The following DPP10 variants were observed in gnomAD, a reference collection of about 807,000 sequenced individuals.
DPP10 encodes the protein dipeptidyl peptidase like 10, also known as inactive dipeptidyl peptidase 10.
DPP10 carries 33 observed loss-of-function variants against 120.9 expected under a neutral mutation model. The ratio of observed to expected loss-of-function variants is 0.27; its 90% CI spans 0.21 to 0.37. The LOEUF is 0.37. Among genes scored for constraint, DPP10 ranks in the 10% least tolerant of loss-of-function variants. The pLI is 1.00. For synonymous variants in DPP10, 337 were observed against 326.1 expected (o/e 1.03, Z -0.36); for missense variants, 816 against 942.8 (o/e 0.87, Z 1.76).
chr2:115,341,963 G>T (rs775743212), intron 2 of DPP10, among the ~76,000 whole-genome samples: 23 of 152,116 alleles, frequency 1.5e-4, no homozygotes, highest in Non-Finnish European at 3.1e-4. Context: ...AAATACAAAG[G>T]AGCCTGATTA....
chr2:115,679,868 A>T (rs2090529617), intron 5 of DPP10, among the ~76,000 whole-genome samples: 1 of 151,990 alleles, frequency 6.6e-6, no homozygotes, highest in South Asian at 2.1e-4. Context: ...AGATAGAAAG[A>T]GGTTTCATAA....
chr2:114,614,214 T>C (rs997421082), intron 1 of DPP10, among the ~76,000 whole-genome samples: 1 of 152,196 alleles, frequency 6.6e-6, no homozygotes. Context: ...ATTTATCTAC[T>C]CCACATCACC....
chr2:115,671,182 T>C (rs545066016), intron 5 of DPP10, among the ~76,000 whole-genome samples: 26 of 152,016 alleles, frequency 1.7e-4, no homozygotes, highest in African/African-American at 6.3e-4. Context: ...TTTTATCCAG[T>C]TTTTCTTTTT....
At chr2:114,653,027 A>AGAGTGTGTGT (rs1553476958) in intron 1 of DPP10, among the ~76,000 whole-genome samples, 6 of 135,770 alleles carry the variant, frequency 4.4e-5, no homozygotes, top group East Asian at 2.1e-4. Flanking sequence ...AGAGAGAGAG[A>AGAGTGTGTGT]GTGTGTGTGT....
intron 1 of DPP10, among the ~76,000 whole-genome samples, chr2:114,773,474 A>T (rs1308950217): frequency 6.6e-6 from 1 of 150,466 alleles, no homozygotes; most frequent in African/African-American, 2.5e-5. Context: ...GTTTATACAA[A>T]TTATAACTCA....
At chr2:115,764,236 C>T (rs1680452543) in intron 12 of DPP10, among the ~76,000 whole-genome samples, 1 of 151,632 alleles carries the variant, frequency 6.6e-6, no homozygotes, top group Non-Finnish European at 1.5e-5. Context: ...GTAAGAAGAG[C>T]TTAATAGATA....
chr2:115,440,194 T>TA, intron 3 of DPP10, among the ~76,000 whole-genome samples: 1 of 152,198 alleles, frequency 6.6e-6, no homozygotes, highest in South Asian at 2.1e-4. Flanking sequence ...AATATTTCCA[T>TA]ATATTATATG....
intron 1 of DPP10, among the ~76,000 whole-genome samples, chr2:115,134,278 G>T (rs373133919): frequency 2.1e-3 from 320 of 152,204 alleles, no homozygotes; most frequent in African/African-American, 7.3e-3. Context: ...CTAGTAGGAG[G>T]TTTCATCTAT....
intron 3 of DPP10, among the ~76,000 whole-genome samples, chr2:115,404,526 T>C (rs1449751726): frequency 6.6e-6 from 1 of 152,164 alleles, no homozygotes; most frequent in Non-Finnish European, 1.5e-5. Context: ...AGATATGCCA[T>C]GTTCATGGAT....
At chr2:114,542,750 A>G (rs1402882093) in intron 1 of DPP10, among the ~76,000 whole-genome samples, 1 of 152,244 alleles carries the variant, frequency 6.6e-6, no homozygotes, top group Non-Finnish European at 1.5e-5. Context: ...TTCTTAGCAC[A>G]GATTCTCAAA....
chr2:115,141,030 A>G (rs2050901535), intron 1 of DPP10, among the ~76,000 whole-genome samples: 1 of 152,184 alleles, frequency 6.6e-6, no homozygotes, highest in Admixed American at 6.5e-5. Flanking sequence ...CCAGTGGATT[A>G]AAAACTCCAC....
intron 1 of DPP10, among the ~76,000 whole-genome samples, chr2:114,647,758 C>A (rs1199730787): frequency 2.7e-5 from 4 of 150,490 alleles, no homozygotes; most frequent in African/African-American, 9.8e-5. Flanking sequence ...CCTAGATTCA[C>A]ACAGCATTTC....
chr2:115,162,827 G>A (rs1377610981), intron 1 of DPP10, among the ~76,000 whole-genome samples: 1 of 152,022 alleles, frequency 6.6e-6, no homozygotes, highest in African/African-American at 2.4e-5. Flanking sequence ...TCCCCATCTC[G>A]TCTCTGTCCC....
chr2:115,743,137 G>A (rs1020176413), intron 9 of DPP10, among the ~76,000 whole-genome samples: 3 of 151,914 alleles, frequency 2.0e-5, no homozygotes, highest in African/African-American at 7.2e-5. Flanking sequence ...AAATGTAACT[G>A]TAAAAAGCAA....
At chr2:114,840,579 AAAAG>A (rs1204728393) in intron 1 of DPP10, among the ~76,000 whole-genome samples, 1 of 152,180 alleles carries the variant, frequency 6.6e-6, no homozygotes, top group Non-Finnish European at 1.5e-5. Context: ...GAAAACAATG[AAAAG>A]AAAGCCTCCC....
intron 1 of DPP10, among the ~76,000 whole-genome samples, chr2:115,257,819 G>A (rs1286396719): frequency 6.6e-6 from 1 of 152,056 alleles, no homozygotes; most frequent in African/African-American, 2.4e-5. Flanking sequence ...AACCTATTTT[G>A]TCTTCTCGTT....
intron 3 of DPP10, among the ~76,000 whole-genome samples, chr2:115,443,409 C>T (rs1015999496): frequency 7.2e-5 from 11 of 152,082 alleles, no homozygotes; most frequent in East Asian, 5.8e-4. Context: ...GAATTCCAAA[C>T]ATTTAGATTT....
intron 3 of DPP10, among the ~76,000 whole-genome samples, chr2:115,424,180 A>G (rs1461701352): frequency 6.6e-6 from 1 of 152,180 alleles, no homozygotes; most frequent in African/African-American, 2.4e-5. Flanking sequence ...CAGTATTGTT[A>G]AAAACAGTTC....
At chr2:115,416,310 AT>A (rs2069426496) in intron 3 of DPP10, among the ~76,000 whole-genome samples, 1 of 152,116 alleles carries the variant, frequency 6.6e-6, no homozygotes, top group Admixed American at 6.6e-5. Flanking sequence ...ATACTTTGGG[AT>A]TTCACAGAAG....
Sources: gnomAD v4.1 joint callset for allele counts (sites outside exome capture counted in the v4.1 genomes callset) on GRCh38, gnomAD v4.1.1 for gene constraint, MANE v1.5 for transcripts, NCBI Gene and HGNC (gene_info 2026-07-23, HGNC 2026-07-21) for gene names.